Variants in HIPK2 observed in about 807,000 individuals in gnomAD.
HIPK2 encodes homeodomain-interacting protein kinase 2.
HIPK2 carries 27 observed loss-of-function variants against 113.7 expected under a neutral mutation model. The observed-to-expected ratio is 0.24, with a 90% CI of 0.17 to 0.33. The LOEUF (loss-of-function observed/expected upper bound fraction) is 0.33, where lower values mean the gene tolerates loss of function less well. HIPK2 is among the 10% of genes least tolerant of loss of function. The pLI is 1.00. For missense variants in HIPK2, 1,257 were observed against 1,588.0 expected, an observed-to-expected ratio of 0.79 and a Z score of 3.54; for synonymous variants, 631 against 642.2, an observed-to-expected ratio of 0.98 and a Z score of 0.26.
In HIPK2 at chr7:139,614,389, T is replaced by A. The variant is rs768650291; in HGVS notation, c.1887A>T (p.Ala629=). 1.2e-5 allele frequency: 19 copies of A among 1,580,824 alleles called. No homozygotes were observed. The highest frequency in any genetic ancestry group is 1.3e-5 in the Non-Finnish European group (15 of 1,159,068). Residue 629 remains alanine, a synonymous_variant, in exon 8 of 15, where the codon GCA becomes GCT. Coordinates refer to ENST00000406875, the MANE Select transcript of HIPK2 (RefSeq NM_022740.5). ...LYQPSAASMA[A]VAQRSMPLQT... ...GCAGGGGCATGCTCCGCTGGGCCAC[T>A]GCAGCCATGGATGCCGCTGAGGGCT...
intron 1 of HIPK2, among the ~76,000 whole-genome samples, chr7:139,735,753 A>C (rs959504643): frequency 5.9e-5 from 9 of 152,236 alleles, no homozygotes; most frequent in African/African-American, 2.2e-4. Context: ...CCCAAGGCGA[A>C]GCCAGGGGTG....
At chr7:139,594,602 AT>A (rs1287675173) in intron 12 of HIPK2, among the ~76,000 whole-genome samples, 1 of 152,162 alleles carries the variant, frequency 6.6e-6, no homozygotes, top group Non-Finnish European at 1.5e-5. Flanking sequence ...GTGCAAAGAC[AT>A]TTTCTAAGGC....
In HIPK2 at chr7:139,564,928, C is replaced by T. The variant is rs969773727; in HGVS notation, c.*7999G>A. ...ATACTTAACATGTGCATTTGAACAT[C>T]GCATTTGAGTACAACACACAAAGAA... On this transcript the variant is annotated 3_prime_UTR_variant, in exon 15 of 15. Transcript: ENST00000406875. The T allele has an allele frequency of 2.0e-5, 3 of 152,118 alleles. No individual in the cohort carries two copies. The highest frequency in any genetic ancestry group is 4.4e-5 in the Non-Finnish European group (3 of 68,026). 9.4% of individuals were successfully genotyped at this position (152,118 alleles called of 1,614,324 possible). A position where few individuals can be genotyped will look rare whatever the true frequency, so the allele number is the denominator to read the frequency against.
intron 6 of HIPK2, among the ~76,000 whole-genome samples, chr7:139,621,693 C>G (rs1451520097): frequency 6.6e-6 from 1 of 151,980 alleles, no homozygotes; most frequent in Non-Finnish European, 1.5e-5. Context: ...TTTGGGAGGT[C>G]AAGGTGGGTG....
chr7:139,587,152 C>T lies in HIPK2; in HGVS notation c.2718-3088G>A, dbSNP rs75720066. Reference sequence around the variant, plus strand: ...AAACCACTGAATTGTACACATTCAACGGGTGAACTATACAGTACAGTACAT... The same window carrying T: ...AAACCACTGAATTGTACACATTCAATGGGTGAACTATACAGTACAGTACAT... On this transcript the variant is annotated intron_variant, in intron 12 of 14. Transcript: ENST00000406875. Among the ~76,000 whole-genome samples, 377 of 152,206 alleles carry T rather than the reference C, an allele frequency of 2.5e-3. 4 individuals carry two copies. Among genetic ancestry groups the T allele is most frequent in the African/African-American group, 8.5e-3 (353 of 41,522 alleles).
chr7:139,709,569 C>T (rs1226619624), intron 2 of HIPK2, among the ~76,000 whole-genome samples: 1 of 152,170 alleles, frequency 6.6e-6, no homozygotes, highest in Non-Finnish European at 1.5e-5. Context: ...GGTCAACCCA[C>T]AGGAGAGAAA....
intron 2 of HIPK2, among the ~76,000 whole-genome samples, chr7:139,673,578 G>T (rs1802380740): frequency 6.6e-6 from 1 of 152,160 alleles, no homozygotes; most frequent in Non-Finnish European, 1.5e-5. Flanking sequence ...GCTGTGAGGA[G>T]GGACGTAGAG....
chr7:139,679,583 TGGG>T lies in HIPK2; in HGVS notation c.1103+36346_1103+36348del, dbSNP rs145347624. ...CTGGTTATAAATGTGCAATACCTGA[TGGG>T]GGGAAAATTCCAGGAGAGCTTATAA... On this transcript the variant is annotated intron_variant, in intron 2 of 14. Coordinates refer to ENST00000406875, the MANE Select transcript of HIPK2 (RefSeq NM_022740.5). Among the ~76,000 whole-genome samples, 1,110 of 152,282 alleles carry T rather than the reference TGGG, an allele frequency of 7.3e-3. 13 individuals are homozygous for T. Among genetic ancestry groups the T allele is most frequent in the African/African-American group, 0.025 (1,041 of 41,558 alleles).
intron 1 of HIPK2, among the ~76,000 whole-genome samples, chr7:139,736,886 T>C (rs1300433096): frequency 1.3e-5 from 2 of 152,154 alleles, no homozygotes; most frequent in African/African-American, 2.4e-5. Context: ...TAGCATCAAG[T>C]ATACTCAATT....
chr7:139,621,268 T>C (rs1363342157), intron 6 of HIPK2, among the ~76,000 whole-genome samples: 2 of 152,172 alleles, frequency 1.3e-5, no homozygotes, highest in Non-Finnish European at 2.9e-5. Context: ...GGCTGAAGCT[T>C]AGGGAGGTAG....
chr7:139,576,392 G>A lies in HIPK2; in HGVS notation c.2966-1104C>T, dbSNP rs79416426. ...TCTGGCCAGCAGCTCTGGGGGGCCC[G>A]AGCACCTGCATTTCTGACAAGCTCC... On this transcript the variant is annotated intron_variant, in intron 13 of 14. Transcript: ENST00000406875. Among the ~76,000 whole-genome samples, 400 of 152,306 alleles carry A rather than the reference G, an allele frequency of 2.6e-3. 3 individuals carry two copies. The highest frequency in any genetic ancestry group is 8.8e-3 in the African/African-American group (366 of 41,576).
chr7:139,678,014 T>C (rs2116689564), intron 2 of HIPK2, among the ~76,000 whole-genome samples: 1 of 152,382 alleles, frequency 6.6e-6, no homozygotes, highest in Admixed American at 6.5e-5. Context: ...TGCATAGATG[T>C]CTTCTTTCGA....
At chr7:139,721,640 C>A (rs1207981552) in intron 1 of HIPK2, among the ~76,000 whole-genome samples, 5 of 152,190 alleles carry the variant, frequency 3.3e-5, no homozygotes, top group Non-Finnish European at 7.3e-5. Context: ...AGGCTTAATG[C>A]ACATTGTCAG....
At position 139,566,566 on chromosome 7, in the gene HIPK2, T is replaced by C. The variant is rs1798096879; in HGVS notation, c.*6361A>G. 6.6e-6 allele frequency: 1 copy of C among 152,182 alleles called. No homozygotes were observed. The highest frequency in any genetic ancestry group is 2.4e-5 in the African/African-American group (1 of 41,454). 9.4% of individuals were successfully genotyped at this position (152,182 alleles called of 1,614,324 possible). On this transcript the variant is annotated 3_prime_UTR_variant, in exon 15 of 15. Transcript: ENST00000406875. This position sits in a 1 kb window ranked among gnomAD's most constrained non-coding sequence, Gnocchi z 4.1. ...GGCCTGATGAACAAAAAAGGGAACCTTGGGGATTCTGGCCCATCACTGCTT... is the reference window on the plus strand; with the variant it reads ...GGCCTGATGAACAAAAAAGGGAACCCTGGGGATTCTGGCCCATCACTGCTT...
In HIPK2 at chr7:139,773,023, C is replaced by G. The variant is rs947040483; in HGVS notation, c.19+4582G>C. On this transcript the variant is annotated intron_variant, in intron 1 of 14. Coordinates refer to ENST00000406875, the MANE Select transcript of HIPK2 (RefSeq NM_022740.5). ...GAGTCTATGCTTCTTTCACTTCCCCCACCCTGTAAAGTCAGGGACAGGGAT... is the reference window on the plus strand; with the variant it reads ...GAGTCTATGCTTCTTTCACTTCCCCGACCCTGTAAAGTCAGGGACAGGGAT... Among the ~76,000 whole-genome samples, 4 of 152,088 alleles carry G rather than the reference C, an allele frequency of 2.6e-5. No individual in the cohort carries two copies. The East Asian group carries it at 7.7e-4, about 29-fold the overall frequency.
At chr7:139,763,484 A>ACGCC (rs1796504399) in intron 1 of HIPK2, among the ~76,000 whole-genome samples, 1 of 39,514 alleles carries the variant, frequency 2.5e-5, no homozygotes, top group African/African-American at 7.3e-5. Flanking sequence ...CCCCCCCCCC[A>ACGCC]CACGCCCCTC....
At chr7:139,752,140 C>T (rs532163020) in intron 1 of HIPK2, among the ~76,000 whole-genome samples, 1 of 152,342 alleles carries the variant, frequency 6.6e-6, no homozygotes, top group Non-Finnish European at 1.5e-5. Flanking sequence ...CTAAGAGACA[C>T]CAGCCATGCA....
chr7:139,570,006 G>T lies in HIPK2; in HGVS notation c.*2921C>A, dbSNP rs1798211143. Reference sequence around the variant, plus strand: ...AATAAAAGGAAAGAAAATGTCAGGTGAAAGAGTAAGTAGCCTCCAACTTAA... The same window carrying T: ...AATAAAAGGAAAGAAAATGTCAGGTTAAAGAGTAAGTAGCCTCCAACTTAA... On this transcript the variant is annotated 3_prime_UTR_variant, in exon 15 of 15. Coordinates refer to ENST00000406875, the MANE Select transcript of HIPK2 (RefSeq NM_022740.5). The T allele has an allele frequency of 6.6e-6, 1 of 152,210 alleles. No individual in the cohort carries two copies. Among genetic ancestry groups the T allele is most frequent in the South Asian group, 2.1e-4 (1 of 4,834 alleles). 9.4% of individuals were successfully genotyped at this position (152,210 alleles called of 1,614,324 possible). A position where few individuals can be genotyped will look rare whatever the true frequency, so the allele number is the denominator to read the frequency against.
chr7:139,771,307 T>C (rs530525731), intron 1 of HIPK2, among the ~76,000 whole-genome samples: 2 of 152,216 alleles, frequency 1.3e-5, no homozygotes, highest in East Asian at 3.9e-4. Flanking sequence ...CTCTGCATTC[T>C]GTTTGTCAGA....
Sources: gnomAD v4.1 joint callset for allele counts (sites outside exome capture counted in the v4.1 genomes callset) on GRCh38, gnomAD v4.1.1 for gene constraint, Gnocchi (gnomAD v3.1) non-coding constraint, MANE v1.5 for transcripts, NCBI Gene and HGNC (gene_info 2026-07-23, HGNC 2026-07-21) for gene names.